ZC3H12B: variants seen among roughly 807,000 people sequenced by gnomAD.
ZC3H12B encodes the protein zinc finger CCCH-type containing 12B, also known as probable ribonuclease ZC3H12B.
ZC3H12B carries 7 observed loss-of-function variants against 43.9 expected under a neutral mutation model. That is an observed-to-expected ratio of 0.16 (90% CI 0.09 to 0.30). The LOEUF is 0.30. Among genes scored for constraint, ZC3H12B ranks in the 10% least tolerant of loss-of-function variants. ZC3H12B has a pLI of 1.00. For synonymous variants in ZC3H12B, 222 were observed against 241.7 expected, an observed-to-expected ratio of 0.92 and a Z score of 0.76; for missense variants, 475 against 670.2, an observed-to-expected ratio of 0.71 and a Z score of 3.22.
At chrX:65,069,486 A>G in the ZC3H12B span, among the ~76,000 whole-genome samples, 1 of 109,723 alleles carries the variant, frequency 9.1e-6, no homozygotes. Flanking sequence ...CCATTTGATT[A>G]TCCTTAATTA....
chrX:65,472,371 G>A (rs748011909), intron 3 of ZC3H12B, among the ~76,000 whole-genome samples: 1 of 103,950 alleles, frequency 9.6e-6, no homozygotes, highest in Non-Finnish European at 1.9e-5. Context: ...TCCCTTTACT[G>A]TACAGAAGTT....
At chrX:65,175,432 A>T in the ZC3H12B span, among the ~76,000 whole-genome samples, 1 of 112,118 alleles carries the variant, frequency 8.9e-6, no homozygotes, top group African/African-American at 3.2e-5. Context: ...GCTACATAGG[A>T]ACCAATGTAA....
chrX:65,055,881 G>T, the ZC3H12B span, among the ~76,000 whole-genome samples: 1 of 112,036 alleles, frequency 8.9e-6, no homozygotes, highest in East Asian at 2.8e-4. Context: ...GCATAGAGGT[G>T]TTCATAGTAT....
the ZC3H12B span, among the ~76,000 whole-genome samples, chrX:65,114,026 T>TATATATATATATA: frequency 4.2e-3 from 342 of 82,300 alleles, no homozygotes; most frequent in East Asian, 6.5e-3. Flanking sequence ...TATATATATA[T>TATATATATATATA]TCATCTTTAG....
At chrX:65,382,242 A>C (rs997187913) in intron 2 of ZC3H12B, among the ~76,000 whole-genome samples, 2 of 109,991 alleles carry the variant, frequency 1.8e-5, no homozygotes, top group Non-Finnish European at 3.8e-5. Flanking sequence ...CACATCAAAA[A>C]GCTTATCCAC....
At chrX:65,365,531 C>A (rs1388550235), upstream of ZC3H12B, among the ~76,000 whole-genome samples, 2 of 111,016 alleles carry the variant, frequency 1.8e-5, no homozygotes, top group African/African-American at 6.6e-5. Flanking sequence ...CCATGCCACC[C>A]CTAATCCCGC....
chrX:65,284,112 A>G, the ZC3H12B span, among the ~76,000 whole-genome samples: 1 of 110,432 alleles, frequency 9.1e-6, no homozygotes, highest in South Asian at 3.9e-4. Flanking sequence ...TGCACCTAGA[A>G]TCAAAGACAA....
At chrX:65,215,770 G>C in the ZC3H12B span, among the ~76,000 whole-genome samples, 1 of 111,781 alleles carries the variant, frequency 8.9e-6, no homozygotes, top group African/African-American at 3.2e-5. Context: ...CTAAGCTTTC[G>C]ACATGCCTTC....
chrX:65,139,171 A>G, the ZC3H12B span, among the ~76,000 whole-genome samples: 4 of 112,059 alleles, frequency 3.6e-5, no homozygotes, highest in Non-Finnish European at 5.6e-5. Context: ...GCCAACACCA[A>G]TGTCAAGAAA....
At chrX:65,253,055 T>C in the ZC3H12B span, among the ~76,000 whole-genome samples, 1 of 111,971 alleles carries the variant, frequency 8.9e-6, no homozygotes, top group Non-Finnish European at 1.9e-5. Flanking sequence ...TTATAGCCAA[T>C]TTATCCCCTC....
chrX:65,105,606 C>T, the ZC3H12B span, among the ~76,000 whole-genome samples: 1 of 110,791 alleles, frequency 9.0e-6, no homozygotes, highest in Non-Finnish European at 1.9e-5. Flanking sequence ...AGCTGAGATG[C>T]TACACTGAAA....
At chrX:65,391,059 C>T (rs2066609264) in intron 2 of ZC3H12B, among the ~76,000 whole-genome samples, 2 of 111,625 alleles carry the variant, frequency 1.8e-5, no homozygotes, top group African/African-American at 6.5e-5. Flanking sequence ...AACACAAGCA[C>T]CTGAAGATGT....
At chrX:65,153,200 A>G in the ZC3H12B span, among the ~76,000 whole-genome samples, 1 of 112,145 alleles carries the variant, frequency 8.9e-6, no homozygotes, top group African/African-American at 3.2e-5. Context: ...AAAACACCAA[A>G]AGCAATGGCA....
At chrX:65,263,117 A>G in the ZC3H12B span, among the ~76,000 whole-genome samples, 1 of 111,230 alleles carries the variant, frequency 9.0e-6, no homozygotes. Flanking sequence ...TTCTCATAAG[A>G]CTTTTATGTG....
the ZC3H12B span, among the ~76,000 whole-genome samples, chrX:65,341,023 T>C: frequency 2.7e-5 from 3 of 111,946 alleles, no homozygotes; most frequent in South Asian, 7.4e-4. Context: ...ACCCACCTGA[T>C]AGAGCTAAAA....
At position 65,417,143 on chromosome X, in the gene ZC3H12B, T is replaced by G. The variant is rs931417964; in HGVS notation, n.407+18439T>G. ...TTCTAAAATGCATATTCTGTTCGAA[T>G]AGGTCTGGGGTTCAGCATTTTAATG... On this transcript the variant is annotated intron_variant and non_coding_transcript_variant, in intron 3 of 5. Coordinates refer to the ZC3H12B transcript ENST00000617377. 3.6e-5 allele frequency among the ~76,000 whole-genome samples: 4 copies of G among 112,080 alleles called. No homozygotes were observed. In the Admixed American group the frequency reaches 3.8e-4, roughly 11 times the overall value.
chrX:65,376,075 G>C (rs1248284938), intron 2 of ZC3H12B, among the ~76,000 whole-genome samples: 1 of 111,778 alleles, frequency 8.9e-6, no homozygotes, highest in Non-Finnish European at 1.9e-5. Flanking sequence ...TGCCCTAAAG[G>C]GTGAGTCTCA....
chrX:65,200,307 T>C, the ZC3H12B span, among the ~76,000 whole-genome samples: 1 of 111,453 alleles, frequency 9.0e-6, no homozygotes, highest in Admixed American at 9.6e-5. Context: ...GGTTTTTTTC[T>C]TCTTGTACAT....
chrX:65,169,504 T>C, the ZC3H12B span, among the ~76,000 whole-genome samples: 1 of 112,132 alleles, frequency 8.9e-6, no homozygotes, highest in East Asian at 2.8e-4. Context: ...GAAGAATGTA[T>C]ATTCTGTTGA....
Sources: gnomAD v4.1 joint callset for allele counts (sites outside exome capture counted in the v4.1 genomes callset) on GRCh38, gnomAD v4.1.1 for gene constraint, MANE v1.5 for transcripts, NCBI Gene and HGNC (gene_info 2026-07-23, HGNC 2026-07-21) for gene names.